SNTG2: variants seen among roughly 807,000 people sequenced by gnomAD.
SNTG2 encodes the protein syntrophin gamma 2.
Under a neutral mutation model 70.9 loss-of-function variants are expected in SNTG2, and 74 were observed. The ratio of observed to expected loss-of-function variants is 1.04; its 90% CI spans 0.86 to 1.27. The LOEUF is 1.27. Ranked by LOEUF, SNTG2 falls within the 50% of genes most tolerant of loss-of-function variation. The probability of loss-of-function intolerance (pLI) is 0.00; values close to 1 mark genes in which losing one functional copy is unlikely to be tolerated. For synonymous variants in SNTG2, 278 were observed against 273.8 expected (o/e 1.02, Z -0.15); for missense variants, 717 against 690.7 (o/e 1.04, Z -0.43).
intron 8 of SNTG2, among the ~76,000 whole-genome samples, chr2:1,182,447 C>T (rs1167575313): frequency 2.0e-5 from 3 of 148,774 alleles, no homozygotes; most frequent in Non-Finnish European, 4.4e-5. Context: ...AAAAAAGTCT[C>T]AAAACAAAAA....
chr2:1,339,111 A>G (rs894375849), intron 16 of SNTG2, among the ~76,000 whole-genome samples: 3 of 152,146 alleles, frequency 2.0e-5, no homozygotes, highest in Non-Finnish European at 4.4e-5. Context: ...GCATTTCCCC[A>G]ATGATTGATG....
chr2:1,271,142 C>T (rs1285136232), intron 14 of SNTG2, among the ~76,000 whole-genome samples: 2 of 152,148 alleles, frequency 1.3e-5, no homozygotes, highest in South Asian at 2.1e-4. Flanking sequence ...TTACAAATAT[C>T]GTTCCAAGTT....
At chr2:1,121,253 A>G (rs1478091383) in intron 4 of SNTG2, among the ~76,000 whole-genome samples, 2 of 152,136 alleles carry the variant, frequency 1.3e-5, no homozygotes, top group Admixed American at 6.5e-5. Context: ...GGATGCCGCA[A>G]AAACAGTTGT....
intron 14 of SNTG2, among the ~76,000 whole-genome samples, chr2:1,303,784 C>G (rs974868448): frequency 4.6e-5 from 7 of 152,146 alleles, no homozygotes; most frequent in Non-Finnish European, 1.0e-4. Flanking sequence ...AATGGGATAT[C>G]ACTACAGACT....
At chr2:1,287,592 A>C (rs1157314199) in intron 14 of SNTG2, among the ~76,000 whole-genome samples, 1 of 152,220 alleles carries the variant, frequency 6.6e-6, no homozygotes, top group Non-Finnish European at 1.5e-5. Flanking sequence ...TGCTCCGTGC[A>C]GGTGGCAGAG....
chr2:1,053,932 G>A (rs371206171), intron 1 of SNTG2, among the ~76,000 whole-genome samples: 65 of 23,430 alleles, frequency 2.8e-3, no homozygotes, highest in African/African-American at 8.7e-3. Context: ...CCTCCCTCCC[G>A]CCCCCCTCTT....
At chr2:1,220,849 G>A (rs568094943) in intron 9 of SNTG2, among the ~76,000 whole-genome samples, 52 of 152,294 alleles carry the variant, frequency 3.4e-4, no homozygotes, top group African/African-American at 1.3e-3. Flanking sequence ...GTGGTGCCCA[G>A]CCCTGGGCCG....
intron 16 of SNTG2, among the ~76,000 whole-genome samples, chr2:1,329,040 A>G (rs539770711): frequency 9.2e-5 from 14 of 152,264 alleles, no homozygotes; most frequent in African/African-American, 2.9e-4. Flanking sequence ...CTCTTAAAAA[A>G]TCCTTTTATA....
intron 1 of SNTG2, among the ~76,000 whole-genome samples, chr2:1,072,668 G>T (rs1206816413): frequency 6.6e-6 from 1 of 152,200 alleles, no homozygotes; most frequent in African/African-American, 2.4e-5. Context: ...GAATCAAGGT[G>T]TAGTGTTGAC....
At chr2:964,062 CT>C (rs1213676339) in intron 1 of SNTG2, among the ~76,000 whole-genome samples, 1 of 152,278 alleles carries the variant, frequency 6.6e-6, no homozygotes, top group Non-Finnish European at 1.5e-5. Flanking sequence ...TGTTGGCGAG[CT>C]TTGTAATCAG....
At chr2:959,849 A>G (rs753820887) in intron 1 of SNTG2, among the ~76,000 whole-genome samples, 7 of 151,814 alleles carry the variant, frequency 4.6e-5, no homozygotes, top group African/African-American at 7.3e-5. Flanking sequence ...TGGTATCCGT[A>G]TCTCAGTACT....
intron 4 of SNTG2, among the ~76,000 whole-genome samples, chr2:1,116,584 G>C (rs1339522869): frequency 9.4e-5 from 14 of 149,446 alleles, no homozygotes; most frequent in Non-Finnish European, 1.6e-4. Flanking sequence ...CCTGGTGTAC[G>C]GGTGCCCCGG....
chr2:1,265,065 A>C (rs1678648807), intron 13 of SNTG2, among the ~76,000 whole-genome samples: 1 of 152,248 alleles, frequency 6.6e-6, no homozygotes, highest in South Asian at 2.1e-4. Flanking sequence ...AGGCCCAACT[A>C]TAATGAGCCA....
chr2:1,223,552 C>T (rs1675513498), intron 9 of SNTG2, among the ~76,000 whole-genome samples: 1 of 152,222 alleles, frequency 6.6e-6, no homozygotes, highest in Non-Finnish European at 1.5e-5. Context: ...CCATGAACCC[C>T]TCACCTCAAT....
chr2:1,137,854 A>G, intron 6 of SNTG2, 45 bp downstream of exon 6: 1 of 1,507,090 alleles, frequency 6.6e-7, no homozygotes. Context: ...TTATTCTTGT[A>G]TTTGAATTAT....
intron 2 of SNTG2, among the ~76,000 whole-genome samples, chr2:1,087,870 G>A (rs1664781586): frequency 6.6e-6 from 1 of 152,212 alleles, no homozygotes; most frequent in African/African-American, 2.4e-5. Context: ...CTCTCAGATT[G>A]TTGAATGGAT....
intron 1 of SNTG2, among the ~76,000 whole-genome samples, chr2:987,947 C>T (rs1402911317): frequency 6.6e-6 from 1 of 152,180 alleles, no homozygotes; most frequent in Non-Finnish European, 1.5e-5. Context: ...GGATGACACC[C>T]CACGTGGGCC....
intron 7 of SNTG2, among the ~76,000 whole-genome samples, chr2:1,171,051 A>G (rs954946959): frequency 1.3e-5 from 2 of 152,182 alleles, no homozygotes; most frequent in Admixed American, 1.3e-4. Flanking sequence ...AACATTGATC[A>G]TATACTACAT....
intron 12 of SNTG2, among the ~76,000 whole-genome samples, chr2:1,257,066 C>T (rs951225727): frequency 2.0e-5 from 3 of 152,012 alleles, no homozygotes; most frequent in African/African-American, 7.2e-5. Flanking sequence ...CCCCCACCTC[C>T]CCTGTTCCTA....
Sources: allele counts gnomAD v4.1 joint callset (sites outside exome capture counted in the v4.1 genomes callset), GRCh38; gene constraint gnomAD v4.1.1; transcripts MANE v1.5; gene names NCBI Gene and HGNC (gene_info 2026-07-23, HGNC 2026-07-21).